DLGAP2: variants seen among roughly 807,000 people sequenced by gnomAD.
The protein encoded by DLGAP2 is disks large-associated protein 2.
DLGAP2 carries 26 observed loss-of-function variants against 100.3 expected under a neutral mutation model. The ratio of observed to expected loss-of-function variants is 0.26; its 90% CI spans 0.19 to 0.36. The LOEUF (loss-of-function observed/expected upper bound fraction) is 0.36. DLGAP2 is among the 10% of genes least tolerant of loss of function. The pLI is 1.00. For missense variants in DLGAP2, 1,858 were observed against 1,453.2 expected, an observed-to-expected ratio of 1.28 and a Z score of -4.53; for synonymous variants, 886 against 630.1, an observed-to-expected ratio of 1.41 and a Z score of -6.08.
At chr8:758,966 AACCCCCACAACCTTCCCATTATCAAT>A (rs1820989250) in intron 1 of DLGAP2, among the ~76,000 whole-genome samples, 1 of 150,914 alleles carries the variant, frequency 6.6e-6, no homozygotes, top group African/African-American at 2.4e-5. Context: ...CATTATCAAT[AACCCCCACAACCTTCCCATTATCAAT>A]ACCCCCAACA....
chr8:1,250,005 C>T (rs560501469), intron 2 of DLGAP2, among the ~76,000 whole-genome samples: 5 of 152,216 alleles, frequency 3.3e-5, no homozygotes, highest in Middle Eastern at 3.4e-3. Context: ...CTCAGCCTCC[C>T]GAGTAGCTGA....
At chr8:1,690,380 A>C (rs1799227293) in intron 12 of DLGAP2, among the ~76,000 whole-genome samples, 1 of 151,438 alleles carries the variant, frequency 6.6e-6, no homozygotes, top group African/African-American at 2.4e-5. Context: ...ATAAAACAAA[A>C]TAAACACACA....
At chr8:1,363,320 C>A (rs78866869) in intron 3 of DLGAP2, among the ~76,000 whole-genome samples, 1 of 151,998 alleles carries the variant, frequency 6.6e-6, no homozygotes, top group South Asian at 2.1e-4. Flanking sequence ...GGTCCCACGC[C>A]CGTGGCATGC....
chr8:1,188,806 G>T (rs1396688325), intron 2 of DLGAP2, among the ~76,000 whole-genome samples: 1 of 150,860 alleles, frequency 6.6e-6, no homozygotes, highest in African/African-American at 2.5e-5. Flanking sequence ...GTGACCACCT[G>T]CTGCGTCCTC....
rs1324412255 is a variant in DLGAP2, at chr8:1,244,493, G to T, written c.74-14358G>T. On this transcript the variant is annotated intron_variant, in intron 2 of 14. Transcript: ENST00000637795. ...AGGAAGGGGCAATTAGTTCCCGATG[G>T]AGGGCTTGAGGCTGCCTCACCAAAG... 2.0e-5 allele frequency among the ~76,000 whole-genome samples: 3 copies of T among 152,216 alleles called. No homozygotes were observed. In the East Asian group the frequency reaches 5.8e-4, roughly 29 times the overall value.
At chr8:1,319,532 C>G (rs1242281134) in intron 3 of DLGAP2, among the ~76,000 whole-genome samples, 1 of 152,158 alleles carries the variant, frequency 6.6e-6, no homozygotes, top group African/African-American at 2.4e-5. Context: ...TATGGGAATA[C>G]AGCATGAGTT....
At chr8:938,476 C>A (rs562614372) in intron 2 of DLGAP2, among the ~76,000 whole-genome samples, 1 of 152,268 alleles carries the variant, frequency 6.6e-6, no homozygotes, top group South Asian at 2.1e-4. Context: ...AGGCCTGGAC[C>A]CTGAGCAGGC....
intron 2 of DLGAP2, among the ~76,000 whole-genome samples, chr8:1,138,779 C>G (rs555654875): frequency 6.6e-6 from 1 of 152,196 alleles, no homozygotes; most frequent in African/African-American, 2.4e-5. Flanking sequence ...TGTTTATTTA[C>G]TTGTCCTGAC....
intron 3 of DLGAP2, among the ~76,000 whole-genome samples, chr8:1,332,571 C>A (rs565710481): frequency 3.3e-5 from 5 of 152,184 alleles, no homozygotes; most frequent in Admixed American, 1.3e-4. Flanking sequence ...TATGACGGAG[C>A]TTCCCTGCCC....
intron 2 of DLGAP2, among the ~76,000 whole-genome samples, chr8:1,164,341 C>T (rs900025001): frequency 5.7e-4 from 27 of 47,750 alleles, no homozygotes; most frequent in Middle Eastern, 0.021. Context: ...TTTCTGTGAG[C>T]CCGCAGGGCC....
chr8:1,017,076 T>C (rs1274883133), intron 2 of DLGAP2, among the ~76,000 whole-genome samples: 1 of 9,916 alleles, frequency 1.0e-4, no homozygotes, highest in South Asian at 5.1e-3. Context: ...GCCTCCACTG[T>C]GTGTGTGACC....
intron 3 of DLGAP2, among the ~76,000 whole-genome samples, chr8:1,370,411 T>C (rs1802209477): frequency 6.6e-6 from 1 of 152,200 alleles, no homozygotes; most frequent in Non-Finnish European, 1.5e-5. Flanking sequence ...CTGTTTATCT[T>C]ACCATTCATG....
chr8:884,189 A>G (rs1038783196), intron 1 of DLGAP2, among the ~76,000 whole-genome samples: 1 of 152,208 alleles, frequency 6.6e-6, no homozygotes, highest in East Asian at 1.9e-4. Context: ...TGGTATTTCT[A>G]GTTCTGGAAC....
chr8:1,680,992 T>A lies in DLGAP2; in HGVS notation c.2704+2363T>A, dbSNP rs140712779. ...TGCATGTCACTCAATCAAGCTGTGTTTTCTACACCATGTGTTTCCTCAAAA... is the reference window on the plus strand; with the variant it reads ...TGCATGTCACTCAATCAAGCTGTGTATTCTACACCATGTGTTTCCTCAAAA... On this transcript the variant is annotated intron_variant, in intron 12 of 14. Transcript: ENST00000637795. 2.0e-3 allele frequency among the ~76,000 whole-genome samples: 312 copies of A among 152,268 alleles called. 1 individual carries two copies. The highest frequency in any genetic ancestry group is 6.9e-3 in the African/African-American group (285 of 41,544).
chr8:1,651,638 G>T (rs150188163), intron 8 of DLGAP2, among the ~76,000 whole-genome samples: 3 of 152,224 alleles, frequency 2.0e-5, no homozygotes, highest in East Asian at 1.9e-4. Flanking sequence ...CAGCTCCAAT[G>T]GCTTAAGCCC....
intron 1 of DLGAP2, among the ~76,000 whole-genome samples, chr8:872,718 T>C (rs1797621501): frequency 6.6e-6 from 1 of 152,182 alleles, no homozygotes; most frequent in African/African-American, 2.4e-5. Flanking sequence ...CCGCTGGCTT[T>C]TATTATATTC....
chr8:1,434,555 C>G (rs751434430), intron 3 of DLGAP2, among the ~76,000 whole-genome samples: 3 of 152,090 alleles, frequency 2.0e-5, no homozygotes, highest in African/African-American at 7.2e-5. Flanking sequence ...TGGCTCACTG[C>G]AGGCTCAACC....
chr8:1,141,825 A>G (rs534678483), intron 2 of DLGAP2, among the ~76,000 whole-genome samples: 14 of 152,212 alleles, frequency 9.2e-5, no homozygotes, highest in Non-Finnish European at 1.6e-4. Context: ...ATATTTATAC[A>G]AAAGCTTGAT....
intron 1 of DLGAP2, among the ~76,000 whole-genome samples, chr8:862,777 A>G (rs1336507066): frequency 6.6e-6 from 1 of 152,174 alleles, no homozygotes; most frequent in Non-Finnish European, 1.5e-5. Context: ...CAGCTTTCAA[A>G]TGGCTTCCCC....
Sources: allele counts gnomAD v4.1 joint callset (sites outside exome capture counted in the v4.1 genomes callset), GRCh38; gene constraint gnomAD v4.1.1; transcripts MANE v1.5; gene names NCBI Gene and HGNC (gene_info 2026-07-23, HGNC 2026-07-21).